EXO1: variants seen among roughly 807,000 people sequenced by gnomAD.
The protein encoded by EXO1 is exonuclease 1.
In EXO1, 69 loss-of-function variants were observed where a neutral mutation model predicts 84.5. The observed-to-expected ratio is 0.82, with a 90% confidence interval of 0.67 to 1.00. EXO1 has a LOEUF of 1.00. Among genes scored for constraint, EXO1 ranks in the 50% least tolerant of loss-of-function variants. The pLI, the probability that EXO1 is intolerant of heterozygous loss-of-function variation, is 0.00. For missense variants in EXO1, 1,045 were observed against 1,000.7 expected (o/e 1.04, Z -0.60); for synonymous variants, 373 against 366.1 (o/e 1.02, Z -0.21).
At position 241,860,657 on chromosome 1, in the gene EXO1, C is replaced by T. The variant is rs554727186; in HGVS notation, c.897C>T (p.Asn299=). 68 of 1,613,910 alleles carry T rather than the reference C, an allele frequency of 4.2e-5. No individual in the cohort carries two copies. In the Admixed American group the frequency reaches 9.7e-4, roughly 23 times the overall value. The change falls in exon 9 of 16, where the codon AAC becomes AAT. Residue 299 remains asparagine (N), a synonymous_variant. Coordinates refer to ENST00000366548, the MANE Select transcript of EXO1 (RefSeq NM_130398.4). ...DPIKRKLIPL[N]AYEDDVDPET... ...TCAAAAGGAAACTTATTCCTCTGAACGCCTATGAAGATGATGTTGATCCTG... is the reference window on the plus strand; with the variant it reads ...TCAAAAGGAAACTTATTCCTCTGAATGCCTATGAAGATGATGTTGATCCTG...
intron 6 of EXO1, among the ~76,000 whole-genome samples, chr1:241,856,140 A>G (rs1049005449): frequency 6.6e-6 from 1 of 152,218 alleles, no homozygotes; most frequent in Non-Finnish European, 1.5e-5. Context: ...TCACTTCTCA[A>G]AAGGATGAGA....
At position 241,881,960 on chromosome 1, in the gene EXO1, G is replaced by T. The variant is rs377440723; in HGVS notation, c.2154G>T (p.Gln718His). 3.8e-6 allele frequency: 6 copies of T among 1,584,602 alleles called. No individual in the cohort carries two copies. The African/African-American group carries it at 5.4e-5, about 14-fold the overall frequency. The change falls in exon 14 of 16, where the codon CAG (glutamine) becomes CAT (histidine). Residue 718 changes from glutamine (Q) to histidine (H), a missense_variant. By Grantham distance (24) the Gln-to-His change is conservative. Transcript: ENST00000366548. ...AGTTACTTGACAGTCAAAGTGACCA[G>T]ACCTCCAAGCTACGTTTATCTCATT... ...NIKLLDSQSD[Q>H]TSKLRLSHFS...
chr1:241,862,631 G>A (rs1216608066), intron 10 of EXO1, among the ~76,000 whole-genome samples: 1 of 152,178 alleles, frequency 6.6e-6, no homozygotes, highest in African/African-American at 2.4e-5. Flanking sequence ...CCAATAGAAT[G>A]TGGTCTTCAT....
intron 12 of EXO1, among the ~76,000 whole-genome samples, chr1:241,872,530 G>T (rs909941648): frequency 6.6e-6 from 1 of 152,004 alleles, no homozygotes; most frequent in African/African-American, 2.4e-5. Flanking sequence ...ACAGGCCGGG[G>T]TGTGTGATGT....
chr1:241,860,731 A>C (rs780387178), intron 9 of EXO1, 27 bp downstream of exon 9: 5 of 1,572,116 alleles, frequency 3.2e-6, no homozygotes, highest in Non-Finnish European at 3.5e-6. Context: ...AGAATGGTAG[A>C]ATTTGTGCAT....
At chr1:241,855,353 T>C (rs987619610) in intron 6 of EXO1, among the ~76,000 whole-genome samples, 3 of 151,824 alleles carry the variant, frequency 2.0e-5, no homozygotes, top group African/African-American at 4.8e-5. Context: ...AGATACAGAG[T>C]GTCTATTGGT....
chr1:241,869,105 C>A (rs560299802), intron 11 of EXO1, among the ~76,000 whole-genome samples: 3 of 152,224 alleles, frequency 2.0e-5, no homozygotes, highest in Admixed American at 1.3e-4. Flanking sequence ...AGAATCTAAG[C>A]TTGTTTTCTT....
intron 12 of EXO1, among the ~76,000 whole-genome samples, chr1:241,878,057 A>G (rs1662500346): frequency 6.6e-6 from 1 of 152,238 alleles, no homozygotes; most frequent in Non-Finnish European, 1.5e-5. Flanking sequence ...TGTGGAAGAT[A>G]CAAAGACATG....
chr1:241,888,233 C>T (rs1360935768), intron 15 of EXO1, among the ~76,000 whole-genome samples: 3 of 151,956 alleles, frequency 2.0e-5, no homozygotes, highest in Non-Finnish European at 4.4e-5. Context: ...CAGAACGAGA[C>T]CTTGTCTCAA....
chr1:241,871,795 T>G (rs1266359162), intron 11 of EXO1, among the ~76,000 whole-genome samples: 1 of 152,138 alleles, frequency 6.6e-6, no homozygotes, highest in Non-Finnish European at 1.5e-5. Context: ...AATTTTAACA[T>G]GAAATTGTAT....
At chr1:241,858,770 TAAAATAATAA>T in intron 8 of EXO1, 52 bp downstream of exon 8, 1 of 1,129,428 alleles carries the variant, frequency 8.9e-7, no homozygotes, top group Non-Finnish European at 1.3e-6. Flanking sequence ...ATTTCCTTAA[TAAAATAATAA>T]ATCATAATAT....
chr1:241,853,629 A>T lies in EXO1; in HGVS notation c.405+148A>T, dbSNP rs930104982. 3 of 787,212 alleles carry T rather than the reference A, an allele frequency of 3.8e-6. No individual in the cohort carries two copies. In the Admixed American group the frequency reaches 6.7e-5, roughly 18 times the overall value. 48.8% of individuals were successfully genotyped at this position (787,212 alleles called of 1,614,324 possible). On this transcript the variant is annotated intron_variant, in intron 6 of 15. Coordinates refer to ENST00000366548, the MANE Select transcript of EXO1 (RefSeq NM_130398.4). ...GTCAGAAGGAGAAGGGAACAGCATC[A>T]CTAGATAGAGAAGACTTCAGCAATT...
chr1:241,876,835 A>G (rs1359646143), intron 12 of EXO1, among the ~76,000 whole-genome samples: 1 of 152,122 alleles, frequency 6.6e-6, no homozygotes, highest in African/African-American at 2.4e-5. Flanking sequence ...GCGGCATACA[A>G]TCCAATAGGC....
rs755459797 is a variant in EXO1, at chr1:241,879,220, T to C, written c.1986T>C (p.Asp662=). Residue 662 remains aspartate, a synonymous_variant, in exon 13 of 16, where the codon GAT becomes GAC. Coordinates refer to ENST00000366548, the MANE Select transcript of EXO1 (RefSeq NM_130398.4). ...TAAAGAGCGAGGAGTCCAGTGACGA[T>C]GAGTCTCATCCCTTACGAGAAGAGG... ...SQLKSEESSD[D]ESHPLREEAC... 36 of 1,601,582 alleles carry C rather than the reference T, an allele frequency of 2.2e-5. No homozygotes were observed. The highest frequency in any genetic ancestry group is 3.0e-5 in the Non-Finnish European group (35 of 1,171,602).
chr1:241,877,174 G>A (rs1010359670), intron 12 of EXO1, among the ~76,000 whole-genome samples: 4 of 152,290 alleles, frequency 2.6e-5, no homozygotes, highest in East Asian at 3.9e-4. Context: ...TCACAGAAAC[G>A]TGCCAGTTTT....
intron 11 of EXO1, among the ~76,000 whole-genome samples, chr1:241,867,450 T>C (rs1661814305): frequency 6.6e-6 from 1 of 152,078 alleles, no homozygotes; most frequent in African/African-American, 2.4e-5. Context: ...TCCCACCAGG[T>C]CCCTCCCACA....
chr1:241,869,580 A>G (rs1157398675), intron 11 of EXO1, among the ~76,000 whole-genome samples: 2 of 152,198 alleles, frequency 1.3e-5, no homozygotes, highest in Non-Finnish European at 2.9e-5. Context: ...TTCGGCCGAA[A>G]TATCCTGATT....
chr1:241,885,924 A>G (rs971776281), intron 15 of EXO1, among the ~76,000 whole-genome samples: 11 of 148,626 alleles, frequency 7.4e-5, no homozygotes, highest in Non-Finnish European at 1.5e-4. Context: ...TGCGATCTCC[A>G]CTCACCGCAA....
In EXO1 at chr1:241,879,154, C is replaced by A; in HGVS notation, c.1920C>A (p.Pro640=). ...LQQFRRKSDS[P]TSLPENNMSD... ...AGTTCCGAAGAAAGAGCGATTCCCC[C>A]ACCTCTTTGCCTGAGAATAATATGT... Residue 640 remains proline, a synonymous_variant, in exon 13 of 16, where the codon CCC becomes CCA. Transcript: ENST00000366548. 1 of 1,608,690 alleles carries A rather than the reference C, an allele frequency of 6.2e-7. No individual in the cohort carries two copies. The highest frequency in any genetic ancestry group is 8.5e-7 in the Non-Finnish European group (1 of 1,175,272).
Sources: gnomAD v4.1 joint callset for allele counts (sites outside exome capture counted in the v4.1 genomes callset) on GRCh38, gnomAD v4.1.1 for gene constraint, MANE v1.5 for transcripts, NCBI Gene and HGNC (gene_info 2026-07-23, HGNC 2026-07-21) for gene names.